MNAT1: variants seen among roughly 807,000 people sequenced by gnomAD.
MNAT1 encodes CDK-activating kinase assembly factor MAT1.
A neutral mutation model predicts 42.0 loss-of-function variants in MNAT1; 43 were observed. The ratio of observed to expected loss-of-function variants is 1.02; its 90% CI spans 0.80 to 1.32. The LOEUF is 1.32. Ranked by LOEUF, MNAT1 falls within the 40% of genes most tolerant of loss-of-function variation. The pLI, the probability that MNAT1 is intolerant of heterozygous loss-of-function variation, is 0.00. For synonymous variants in MNAT1, 118 were observed against 120.0 expected, an observed-to-expected ratio of 0.98 and a Z score of 0.11; for missense variants, 306 against 350.4, an observed-to-expected ratio of 0.87 and a Z score of 1.01.
At chr14:60,797,326 AC>A (rs1390603126) in intron 2 of MNAT1, among the ~76,000 whole-genome samples, 1 of 152,068 alleles carries the variant, frequency 6.6e-6, no homozygotes, top group Non-Finnish European at 1.5e-5. Context: ...CAGGTACATT[AC>A]AATATATACA....
intron 6 of MNAT1, among the ~76,000 whole-genome samples, chr14:60,869,392 CTT>C (rs1477805465): frequency 6.6e-6 from 1 of 151,964 alleles, no homozygotes; most frequent in East Asian, 1.9e-4. Flanking sequence ...TATTGAGCAG[CTT>C]TTTGGTGCCA....
chr14:60,943,053 C>CTTTTT lies in MNAT1; in HGVS notation c.810-25162_810-25158dup, dbSNP rs377454616. Among the ~76,000 whole-genome samples the CTTTTT allele has an allele frequency of 4.9e-4, 26 of 53,114 alleles. 3 individuals carry two copies. Among genetic ancestry groups the CTTTTT allele is most frequent in the South Asian group, 1.9e-3 (2 of 1,060 alleles). 34.8% of individuals were successfully genotyped at this position (53,114 alleles called of 152,430 possible). On this transcript the variant is annotated intron_variant, in intron 7 of 7. Coordinates refer to ENST00000261245, the MANE Select transcript of MNAT1 (RefSeq NM_002431.4). The stretch of plus-strand genomic sequence containing the variant: ...GTGTGTGTGTGTGTGTGTGTGTGCG[C>CTTTTT]TTTTTTTTTTTTTTTTTTGAGACGG...
At chr14:60,819,894 T>C (rs1219892991) in intron 6 of MNAT1, among the ~76,000 whole-genome samples, 1 of 152,176 alleles carries the variant, frequency 6.6e-6, no homozygotes, top group Non-Finnish European at 1.5e-5. Flanking sequence ...AAGTACACAG[T>C]ATAGTACTTG....
chr14:60,821,131 C>T (rs754692851), intron 6 of MNAT1, among the ~76,000 whole-genome samples: 3 of 152,146 alleles, frequency 2.0e-5, no homozygotes. Context: ...CTGCCCCCAT[C>T]CACATTATGT....
At chr14:60,904,966 TCAGCAG>T (rs2035162252) in intron 7 of MNAT1, among the ~76,000 whole-genome samples, 1 of 141,846 alleles carries the variant, frequency 7.0e-6, no homozygotes, top group African/African-American at 2.5e-5. Context: ...AATAGATTGT[TCAGCAG>T]TTCCTTTTTT....
chr14:60,958,777 C>T lies in MNAT1; in HGVS notation c.810-9452C>T, dbSNP rs140890119. ...TCAGCCTCCTGAGTAGCTGGGACTACAGGCGCCCACCACCACGCCTGGCTA... is the reference window on the plus strand; with the variant it reads ...TCAGCCTCCTGAGTAGCTGGGACTATAGGCGCCCACCACCACGCCTGGCTA... On this transcript the variant is annotated intron_variant, in intron 7 of 7. Transcript: ENST00000261245. Among the ~76,000 whole-genome samples, 780 of 151,798 alleles carry T rather than the reference C, an allele frequency of 5.1e-3. 13 individuals carry two copies. The highest frequency in any genetic ancestry group is 0.018 in the African/African-American group (731 of 41,394).
chr14:60,905,012 T>C, intron 7 of MNAT1, among the ~76,000 whole-genome samples: 1 of 87,234 alleles, frequency 1.1e-5, no homozygotes, highest in Non-Finnish European at 2.4e-5. Context: ...TCTCGCTCTG[T>C]TGCCCAGGCT....
chr14:60,896,902 T>C (rs1309389338), intron 7 of MNAT1, among the ~76,000 whole-genome samples: 1 of 152,202 alleles, frequency 6.6e-6, no homozygotes, highest in Non-Finnish European at 1.5e-5. Flanking sequence ...ATAGATAACT[T>C]TATTGTTATT....
At chr14:60,738,986 G>A (rs1896388169) in intron 1 of MNAT1, among the ~76,000 whole-genome samples, 1 of 152,178 alleles carries the variant, frequency 6.6e-6, no homozygotes. Context: ...CTCGGTCTTA[G>A]GATGTTGTAA....
In MNAT1 at chr14:60,820,979, T is replaced by A. The variant is rs534514636; in HGVS notation, c.687+2132T>A. On this transcript the variant is annotated intron_variant, in intron 6 of 7. Coordinates refer to ENST00000261245, the MANE Select transcript of MNAT1 (RefSeq NM_002431.4). ...AAAATACAGGCAGAGAAAAGAGCAGTAAAGAAGGCCTAAGGTAAGAAACAG... is the reference window on the plus strand; with the variant it reads ...AAAATACAGGCAGAGAAAAGAGCAGAAAAGAAGGCCTAAGGTAAGAAACAG... 5.9e-5 allele frequency among the ~76,000 whole-genome samples: 9 copies of A among 152,214 alleles called. No individual in the cohort carries two copies. The South Asian group carries it at 1.2e-3, about 21-fold the overall frequency.
intron 6 of MNAT1, among the ~76,000 whole-genome samples, chr14:60,865,393 T>C (rs1160816628): frequency 1.3e-5 from 2 of 152,104 alleles, no homozygotes; most frequent in African/African-American, 4.8e-5. Context: ...ATTTTTGAAA[T>C]TAGTAAAAGA....
intron 6 of MNAT1, among the ~76,000 whole-genome samples, chr14:60,847,197 G>A (rs1483686354): frequency 6.6e-6 from 1 of 152,074 alleles, no homozygotes; most frequent in African/African-American, 2.4e-5. Context: ...GAGGACAGGA[G>A]ATCGAGACCA....
intron 7 of MNAT1, among the ~76,000 whole-genome samples, chr14:60,943,034 G>T (rs1476382373): frequency 2.3e-5 from 3 of 128,426 alleles, no homozygotes; most frequent in Admixed American, 8.3e-5. Context: ...GTGTGTGTGT[G>T]TGTGTGTGTG....
chr14:60,951,195 T>C (rs1224480961), intron 7 of MNAT1, among the ~76,000 whole-genome samples: 1 of 150,738 alleles, frequency 6.6e-6, no homozygotes, highest in Non-Finnish European at 1.5e-5. Flanking sequence ...CAAAAAATTC[T>C]AAACTTAATA....
intron 6 of MNAT1, among the ~76,000 whole-genome samples, chr14:60,843,174 T>C (rs1029164151): frequency 6.6e-6 from 1 of 152,228 alleles, no homozygotes; most frequent in African/African-American, 2.4e-5. Context: ...TTTTTAATTT[T>C]AGTTATTTTG....
intron 7 of MNAT1, among the ~76,000 whole-genome samples, chr14:60,934,999 T>C (rs2035964522): frequency 6.6e-6 from 1 of 152,222 alleles, no homozygotes; most frequent in Admixed American, 6.5e-5. Flanking sequence ...AGTACCTTTG[T>C]ATTTGTGGTT....
At chr14:60,805,068 T>C (rs2032324956) in intron 3 of MNAT1, among the ~76,000 whole-genome samples, 4 of 152,174 alleles carry the variant, frequency 2.6e-5, no homozygotes, top group Admixed American at 2.6e-4. Flanking sequence ...CTTCCTCCTT[T>C]GCCATGTTCA....
chr14:60,738,356 A>G (rs893588924), intron 1 of MNAT1, among the ~76,000 whole-genome samples: 5 of 148,086 alleles, frequency 3.4e-5, no homozygotes, highest in African/African-American at 1.2e-4. Context: ...CCCAGGTTCA[A>G]GTGATTCTCC....
intron 1 of MNAT1, among the ~76,000 whole-genome samples, chr14:60,735,297 A>T (rs970337733): frequency 6.6e-6 from 1 of 152,166 alleles, no homozygotes; most frequent in Non-Finnish European, 1.5e-5. Context: ...TGTTTATTTC[A>T]TATGAAATGT....
Sources: allele counts gnomAD v4.1 joint callset (sites outside exome capture counted in the v4.1 genomes callset), GRCh38; gene constraint gnomAD v4.1.1; transcripts MANE v1.5; gene names NCBI Gene and HGNC (gene_info 2026-07-23, HGNC 2026-07-21).